The following PAG1 variants were observed in gnomAD, a reference collection of about 807,000 sequenced individuals.
PAG1 encodes the protein phosphoprotein membrane anchor with glycosphingolipid microdomains 1, also known as phosphoprotein associated with glycosphingolipid-enriched microdomains 1.
PAG1 carries 23 observed loss-of-function variants against 31.7 expected under a neutral mutation model. The ratio of observed to expected loss-of-function variants is 0.73; its 90% CI spans 0.52 to 1.03. The LOEUF is 1.03. Among genes scored for constraint, PAG1 ranks in the 50% least tolerant of loss-of-function variants. The pLI is 0.00. For missense variants in PAG1, 473 were observed against 540.7 expected (o/e 0.87, Z 1.24); for synonymous variants, 214 against 210.3 (o/e 1.02, Z -0.15).
intron 2 of PAG1, among the ~76,000 whole-genome samples, chr8:81,050,344 T>G (rs565222854): frequency 3.9e-5 from 6 of 152,324 alleles, no homozygotes; most frequent in African/African-American, 1.4e-4. Context: ...AGAATTTATC[T>G]AATAAAGCAA....
At chr8:81,099,122 G>A (rs1466111259) in intron 1 of PAG1, among the ~76,000 whole-genome samples, 1 of 152,158 alleles carries the variant, frequency 6.6e-6, no homozygotes, top group African/African-American at 2.4e-5. Context: ...TGGATCCCAT[G>A]GGGGTATTAC....
At chr8:81,031,130 G>C (rs1808372024) in intron 2 of PAG1, among the ~76,000 whole-genome samples, 1 of 152,188 alleles carries the variant, frequency 6.6e-6, no homozygotes, top group African/African-American at 2.4e-5. Context: ...TTCTCTGATA[G>C]CAGAGTCAGC....
chr8:81,046,850 C>A (rs538147086), intron 2 of PAG1, among the ~76,000 whole-genome samples: 1 of 152,164 alleles, frequency 6.6e-6, no homozygotes, highest in Admixed American at 6.5e-5. Context: ...CTCCTACCCC[C>A]CAACCCTCCG....
chr8:81,103,154 G>GA (rs34583693), intron 1 of PAG1, among the ~76,000 whole-genome samples: 95 of 61,438 alleles, frequency 1.5e-3, no homozygotes, highest in East Asian at 9.6e-3. Context: ...CATTTTGTGG[G>GA]AAAAAAAAAA....
At chr8:81,035,282 C>T (rs767238680) in intron 2 of PAG1, among the ~76,000 whole-genome samples, 7 of 152,212 alleles carry the variant, frequency 4.6e-5, no homozygotes, top group East Asian at 1.9e-4. Context: ...CAGTCCCAGA[C>T]GCTTGGTTAC....
chr8:81,012,545 C>G (rs1235737325), intron 3 of PAG1, among the ~76,000 whole-genome samples: 2 of 152,220 alleles, frequency 1.3e-5, no homozygotes, highest in Non-Finnish European at 2.9e-5. Context: ...GCTTCCCTGG[C>G]TGGTTTAACA....
chr8:80,987,541 T>C, intron 5 of PAG1, 75 bp from the exon 6 acceptor site: 1 of 1,022,884 alleles, frequency 9.8e-7, no homozygotes, highest in Admixed American at 1.9e-5. Flanking sequence ...GAGGAGAAGA[T>C]CCATGGCTTT....
intron 2 of PAG1, chr8:81,067,426 T>C (rs996847916): frequency 1.3e-5 from 2 of 152,244 alleles, no homozygotes; most frequent in South Asian, 2.1e-4. Flanking sequence ...TTTTGTTGAC[T>C]ACTGGCCTAG....
At chr8:81,092,788 C>G (rs963278802) in intron 1 of PAG1, among the ~76,000 whole-genome samples, 1 of 152,218 alleles carries the variant, frequency 6.6e-6, no homozygotes, top group African/African-American at 2.4e-5. Context: ...TAATAAATCA[C>G]TTTTAATCCC....
At chr8:81,037,039 A>G (rs1808472938) in intron 2 of PAG1, 1 of 152,186 alleles carries the variant, frequency 6.6e-6, no homozygotes, top group Admixed American at 6.5e-5. Context: ...CTGTGAAGAT[A>G]AGATGAAGGC....
intron 3 of PAG1, among the ~76,000 whole-genome samples, chr8:81,011,455 G>A (rs28729658): frequency 0.19 from 29,274 of 152,024 alleles, 3,556 homozygotes; most frequent in African/African-American, 0.35. Context: ...CTCCATGATC[G>A]TGAGGACTCT....
At chr8:81,103,684 G>A (rs1488843471) in intron 1 of PAG1, among the ~76,000 whole-genome samples, 1 of 152,110 alleles carries the variant, frequency 6.6e-6, no homozygotes, top group Non-Finnish European at 1.5e-5. Context: ...CCAGTGAGCC[G>A]AAAGTCTCAT....
intron 3 of PAG1, among the ~76,000 whole-genome samples, chr8:81,009,361 A>G (rs905138799): frequency 3.3e-5 from 5 of 152,238 alleles, no homozygotes; most frequent in Non-Finnish European, 7.3e-5. Flanking sequence ...CAATCTCCAG[A>G]TTATGCTTTA....
chr8:81,095,523 T>C (rs1301764095), intron 1 of PAG1, among the ~76,000 whole-genome samples: 2 of 152,198 alleles, frequency 1.3e-5, no homozygotes, highest in African/African-American at 4.8e-5. Flanking sequence ...TTTGGTCACA[T>C]TTCAGCTTAA....
chr8:80,998,793 G>T (rs548161081), intron 3 of PAG1, among the ~76,000 whole-genome samples: 6 of 152,316 alleles, frequency 3.9e-5, no homozygotes, highest in Non-Finnish European at 8.8e-5. Flanking sequence ...GTCTAGGTCA[G>T]TAATGATAGT....
chr8:81,062,733 C>T (rs1808938360), intron 2 of PAG1, among the ~76,000 whole-genome samples: 1 of 152,050 alleles, frequency 6.6e-6, no homozygotes, highest in African/African-American at 2.4e-5. Flanking sequence ...TTTCTTTGCC[C>T]AGGCTGGAGT....
At chr8:81,104,620 T>C (rs1405815658) in intron 1 of PAG1, among the ~76,000 whole-genome samples, 4 of 152,116 alleles carry the variant, frequency 2.6e-5, no homozygotes, top group Non-Finnish European at 5.9e-5. Context: ...TGCTCCATCC[T>C]CTGTATTCAT....
At chr8:81,007,371 T>C (rs1807900432) in intron 3 of PAG1, among the ~76,000 whole-genome samples, 1 of 150,958 alleles carries the variant, frequency 6.6e-6, no homozygotes, top group Non-Finnish European at 1.5e-5. Context: ...CCCAGCACTT[T>C]GGGAGGCTGA....
intron 8 of PAG1, among the ~76,000 whole-genome samples, chr8:80,977,466 A>G (rs1453650381): frequency 6.6e-6 from 1 of 152,158 alleles, no homozygotes; most frequent in Admixed American, 6.5e-5. Context: ...AGTAAAGTAT[A>G]AGAACTCTGA....
Sources: gnomAD v4.1 joint callset for allele counts (sites outside exome capture counted in the v4.1 genomes callset) on GRCh38, gnomAD v4.1.1 for gene constraint, MANE v1.5 for transcripts, NCBI Gene and HGNC (gene_info 2026-07-23, HGNC 2026-07-21) for gene names.